MAPKAP1: variants seen among roughly 807,000 people sequenced by gnomAD.
MAPKAP1 encodes target of rapamycin complex 2 subunit MAPKAP1.
In MAPKAP1, 20 loss-of-function variants were observed where a neutral mutation model predicts 65.7. The observed-to-expected ratio is 0.30, with a 90% CI of 0.21 to 0.44. The LOEUF is 0.44. MAPKAP1 is among the 20% of genes least tolerant of loss of function. The probability of loss-of-function intolerance (pLI) is 1.00; values close to 1 mark genes in which losing one functional copy is unlikely to be tolerated. For synonymous variants in MAPKAP1, 222 were observed against 244.3 expected (o/e 0.91, Z 0.85); for missense variants, 423 against 648.0 (o/e 0.65, Z 3.77).
At chr9:125,698,967 T>C (rs1186550855) in intron 1 of MAPKAP1, among the ~76,000 whole-genome samples, 2 of 152,186 alleles carry the variant, frequency 1.3e-5, no homozygotes, top group Non-Finnish European at 2.9e-5. Context: ...CATCAAATCA[T>C]TGCTTATTAC....
At chr9:125,596,402 A>C (rs1397567231) in intron 4 of MAPKAP1, 3 of 816,944 alleles carry the variant, frequency 3.7e-6, no homozygotes, top group Middle Eastern at 3.5e-4. Flanking sequence ...GCTATAATGG[A>C]TTTGGTACTG....
At chr9:125,579,278 AG>A (rs1219059684) in intron 5 of MAPKAP1, among the ~76,000 whole-genome samples, 1 of 152,356 alleles carries the variant, frequency 6.6e-6, no homozygotes, top group African/African-American at 2.4e-5. Flanking sequence ...TACAAGGCAC[AG>A]GAACAGGAGA....
At chr9:125,572,788 A>C (rs1831273843) in intron 5 of MAPKAP1, 1 of 152,108 alleles carries the variant, frequency 6.6e-6, no homozygotes, top group Admixed American at 6.5e-5. Flanking sequence ...AACTTTACTT[A>C]TTTTGCTTTA....
At chr9:125,458,572 C>T (rs371173547) in intron 10 of MAPKAP1, among the ~76,000 whole-genome samples, 1 of 151,940 alleles carries the variant, frequency 6.6e-6, no homozygotes, top group African/African-American at 2.4e-5. Flanking sequence ...GCAGAAGAAT[C>T]TTTCTTAGTA....
intron 4 of MAPKAP1, among the ~76,000 whole-genome samples, chr9:125,643,643 T>C (rs1014536791): frequency 1.3e-5 from 2 of 152,236 alleles, no homozygotes; most frequent in Admixed American, 1.3e-4. Context: ...TCCTCTATTA[T>C]TGGGCATTGA....
At chr9:125,616,406 G>A (rs908056516) in intron 4 of MAPKAP1, among the ~76,000 whole-genome samples, 2 of 152,056 alleles carry the variant, frequency 1.3e-5, no homozygotes, top group Non-Finnish European at 2.9e-5. Context: ...ACCAAAAAGA[G>A]AATGAAGACA....
chr9:125,510,289 C>T (rs750853689), intron 7 of MAPKAP1, among the ~76,000 whole-genome samples: 8 of 152,300 alleles, frequency 5.3e-5, no homozygotes, highest in East Asian at 3.9e-4. Flanking sequence ...TATAAAAAGG[C>T]CATAGTTTAT....
intron 9 of MAPKAP1, among the ~76,000 whole-genome samples, chr9:125,478,972 G>C (rs16928205): frequency 0.074 from 11,256 of 152,176 alleles, 983 homozygotes; most frequent in African/African-American, 0.2. Context: ...TGATTCGCAT[G>C]TAAGGCAGAG....
chr9:125,550,001 C>T (rs1830540617), intron 6 of MAPKAP1, among the ~76,000 whole-genome samples: 1 of 152,222 alleles, frequency 6.6e-6, no homozygotes, highest in African/African-American at 2.4e-5. Flanking sequence ...ACTCAAGTGG[C>T]TAACAGTTTG....
chr9:125,666,139 A>C (rs1834334062), intron 3 of MAPKAP1, among the ~76,000 whole-genome samples: 1 of 152,252 alleles, frequency 6.6e-6, no homozygotes, highest in Non-Finnish European at 1.5e-5. Flanking sequence ...TTCCTAACAA[A>C]GCACCCTTCT....
chr9:125,645,464 C>T (rs553125906), intron 4 of MAPKAP1, among the ~76,000 whole-genome samples: 2 of 152,280 alleles, frequency 1.3e-5, no homozygotes, highest in African/African-American at 2.4e-5. Flanking sequence ...TGGCCAGGTA[C>T]GGTGGCTCAC....
chr9:125,467,747 C>A (rs1398068604), intron 10 of MAPKAP1, among the ~76,000 whole-genome samples: 1 of 152,212 alleles, frequency 6.6e-6, no homozygotes, highest in East Asian at 1.9e-4. Context: ...AGGAGGTGGG[C>A]TGCGAAGTTC....
chr9:125,503,170 C>G (rs1829034966), intron 8 of MAPKAP1, among the ~76,000 whole-genome samples: 1 of 152,240 alleles, frequency 6.6e-6, no homozygotes, highest in Admixed American at 6.5e-5. Flanking sequence ...AACCATCTTA[C>G]AGATGACAAC....
intron 8 of MAPKAP1, among the ~76,000 whole-genome samples, chr9:125,499,035 A>G (rs1019154632): frequency 1.3e-5 from 2 of 152,212 alleles, no homozygotes; most frequent in African/African-American, 2.4e-5. Flanking sequence ...TGATTATTAG[A>G]GCTTACTGAA....
At chr9:125,643,923 T>C (rs1833650938) in intron 4 of MAPKAP1, among the ~76,000 whole-genome samples, 1 of 152,224 alleles carries the variant, frequency 6.6e-6, no homozygotes, top group South Asian at 2.1e-4. Flanking sequence ...TTGCTTCATC[T>C]TAAAATTTCT....
chr9:125,691,892 T>G (rs776282132), intron 1 of MAPKAP1, among the ~76,000 whole-genome samples: 3 of 152,224 alleles, frequency 2.0e-5, no homozygotes, highest in Non-Finnish European at 4.4e-5. Context: ...GGTACCCACA[T>G]GCTTGTAGAA....
At chr9:125,601,948 AAC>A (rs1832310607) in intron 4 of MAPKAP1, among the ~76,000 whole-genome samples, 1 of 152,242 alleles carries the variant, frequency 6.6e-6, no homozygotes, top group Non-Finnish European at 1.5e-5. Flanking sequence ...GTCTGCATTT[AAC>A]ACAGTTTGCA....
intron 1 of MAPKAP1, among the ~76,000 whole-genome samples, chr9:125,703,953 T>G (rs1835683063): frequency 6.6e-6 from 1 of 152,014 alleles, no homozygotes; most frequent in Non-Finnish European, 1.5e-5. Context: ...CAGGTATAAG[T>G]CAATAAGCAA....
chr9:125,438,926 G>A lies in MAPKAP1; in HGVS notation c.1530C>T (p.Ser510=). The A allele has an allele frequency of 1.9e-6, 3 of 1,614,240 alleles. No individual in the cohort carries two copies. Among genetic ancestry groups the A allele is most frequent in the Non-Finnish European group, 2.5e-6 (3 of 1,180,032 alleles). ...QKQRKLNRRT[S]FSFQKEKKSG... ...ATTTCTTCTCCTTCTGGAAGCTGAA[G>A]CTCGTACGTCTGTTCAGTTTTCTTT... The change falls in exon 12 of 12, where the codon AGC becomes AGT. Residue 510 remains serine (S), a synonymous_variant. Coordinates refer to ENST00000265960, the MANE Select transcript of MAPKAP1 (RefSeq NM_001006617.3).
Sources: gnomAD v4.1 joint callset for allele counts (sites outside exome capture counted in the v4.1 genomes callset) on GRCh38, gnomAD v4.1.1 for gene constraint, MANE v1.5 for transcripts, NCBI Gene and HGNC (gene_info 2026-07-23, HGNC 2026-07-21) for gene names.